Variants in UBR3 observed in about 807,000 individuals in gnomAD.
UBR3 encodes E3 ubiquitin-protein ligase UBR3.
In UBR3, 85 loss-of-function variants were observed where a neutral mutation model predicts 243.2. The observed-to-expected ratio is 0.35, with a 90% CI of 0.29 to 0.42. The LOEUF (loss-of-function observed/expected upper bound fraction) is 0.42. Among genes scored for constraint, UBR3 ranks in the 10% least tolerant of loss-of-function variants. The pLI is 1.00. For missense variants in UBR3, 1,686 were observed against 2,300.8 expected (o/e 0.73, Z 5.47); for synonymous variants, 748 against 799.8 (o/e 0.94, Z 1.09).
At chr2:169,902,106 ACTAT>A (rs1344458747) in intron 8 of UBR3, among the ~76,000 whole-genome samples, 1 of 152,158 alleles carries the variant, frequency 6.6e-6, no homozygotes, top group Non-Finnish European at 1.5e-5. Flanking sequence ...CCACTGTCTA[ACTAT>A]CTAAACAGCT....
intron 1 of UBR3, among the ~76,000 whole-genome samples, chr2:169,859,836 G>A (rs1392350849): frequency 6.6e-6 from 1 of 151,732 alleles, no homozygotes; most frequent in Non-Finnish European, 1.5e-5. Context: ...TCTGCCTCAG[G>A]CTCCTGAGTA....
At chr2:169,884,746 TTA>T (rs1294591534) in intron 5 of UBR3, among the ~76,000 whole-genome samples, 1 of 151,518 alleles carries the variant, frequency 6.6e-6, no homozygotes, top group Non-Finnish European at 1.5e-5. Flanking sequence ...TTTGCGCGAT[TTA>T]TTTGGAAAGA....
chr2:170,026,162 A>G (rs1252250594), intron 30 of UBR3, among the ~76,000 whole-genome samples: 2 of 152,160 alleles, frequency 1.3e-5, no homozygotes, highest in South Asian at 4.1e-4. Flanking sequence ...AGTAACTGAG[A>G]AGGAACCAGA....
At position 170,007,182 on chromosome 2, in the gene UBR3, G is replaced by A. The variant is rs1364894452; in HGVS notation, c.4222G>A (p.Ala1408Thr). The A allele has an allele frequency of 2.5e-6, 4 of 1,597,792 alleles. No individual in the cohort carries two copies. In the East Asian group the frequency reaches 6.8e-5, roughly 27 times the overall value. Residue 1408 changes from alanine to threonine, a missense_variant, in exon 28 of 39, where the codon GCT becomes ACT. This residue lies in a region of UBR3 where 371 missense variants were observed against 422.5 expected (regional missense o/e 0.88). Coordinates refer to ENST00000272793, the MANE Select transcript of UBR3 (RefSeq NM_172070.4). ...EVEELQGRPG[A>T]FPSETNLSKE... ...GGAGGAGCTGCAGGGACGACCGGGA[G>A]CTTTCCCAGTAAGCATCAGTGTAAG...
At chr2:170,055,698 A>C (rs2091317278) in intron 33 of UBR3, 114 bp downstream of exon 33, 1 of 1,333,298 alleles carries the variant, frequency 7.5e-7, no homozygotes, top group African/African-American at 1.5e-5. Flanking sequence ...TTTAATTGTA[A>C]ATTGAGCACC....
At position 170,081,901 on chromosome 2, in the gene UBR3, A is replaced by G; in HGVS notation, c.*58A>G. 8.1e-7 allele frequency: 1 copy of G among 1,236,126 alleles called. No individual in the cohort carries two copies. The highest frequency in any genetic ancestry group is 2.4e-5 in the Admixed American group (1 of 41,860). The allele number at this position is 1,236,126 out of a possible 1,614,324, so 76.6% of individuals were successfully genotyped here. On this transcript the variant is annotated 3_prime_UTR_variant, in exon 39 of 39. Transcript: ENST00000272793. ...TTTCGCTACGAATTTATTTTTCAAC[A>G]ATAAGCTTTAACTTAATTTGGGGGA...
intron 1 of UBR3, among the ~76,000 whole-genome samples, chr2:169,845,628 G>C (rs1270726885): frequency 6.8e-6 from 1 of 147,632 alleles, no homozygotes; most frequent in Admixed American, 6.8e-5. Context: ...CTGTCACCTA[G>C]GCTGGAATGC....
chr2:170,073,534 C>T lies in UBR3; in HGVS notation c.5126C>T (p.Pro1709Leu). The change falls in exon 36 of 39, where the codon CCA becomes CTA. Residue 1709 changes from proline to leucine, a missense_variant. Physicochemically the swap from Pro to Leu is moderately conservative, Grantham distance 98 (BLOSUM62 -3). Coordinates refer to ENST00000272793, the MANE Select transcript of UBR3 (RefSeq NM_172070.4). ...GCCTCCTGTCTGGATTGGCCAGTTC[C>T]AGCATTTGATATTATAACTCAGTGG... ...ISASCLDWPV[P>L]AFDIITQWCF... is the part of the protein sequence containing the mutation. The T allele has an allele frequency of 6.2e-7, 1 of 1,613,702 alleles. No homozygotes were observed. Among genetic ancestry groups the T allele is most frequent in the East Asian group, 2.2e-5 (1 of 44,854 alleles).
intron 1 of UBR3, among the ~76,000 whole-genome samples, chr2:169,842,965 A>G (rs2082349586): frequency 6.6e-6 from 1 of 152,342 alleles, no homozygotes; most frequent in South Asian, 2.1e-4. Flanking sequence ...GATCATCAGA[A>G]TGGCTTTTGC....
At position 170,059,747 on chromosome 2, in the gene UBR3, T is replaced by A. The variant is rs192556647; in HGVS notation, c.4786-1332T>A. Among the ~76,000 whole-genome samples, 543 of 149,708 alleles carry A rather than the reference T, an allele frequency of 3.6e-3. 1 individual carries two copies. The highest frequency in any genetic ancestry group is 6.4e-3 in the Non-Finnish European group (430 of 67,458). ...TTTAGAATCAGGACATAATACTACA[T>A]GGCTGAGTGAATATGGCGGAAAGCA... is the stretch of plus-strand genomic sequence containing the variant. On this transcript the variant is annotated intron_variant, in intron 33 of 38. Transcript: ENST00000272793.
intron 17 of UBR3, 129 bp downstream of exon 17, chr2:169,927,534 C>A: frequency 1.4e-6 from 1 of 705,484 alleles, no homozygotes; most frequent in Non-Finnish European, 2.2e-6. Context: ...AAAAGAAGAA[C>A]ACCAGTTGTG....
Position 170,063,313 on chromosome 2 carries a change from G to T in UBR3, c.5019+1870G>T, listed in dbSNP as rs188334438. On this transcript the variant is annotated intron_variant, in intron 35 of 38. Transcript: ENST00000272793. ...AGGAAATACAGGGCAGATGCACAGG[G>T]GATGGAATGAAAGTACTTTGTGTAT... Among the ~76,000 whole-genome samples the T allele has an allele frequency of 7.2e-5, 11 of 152,246 alleles. No individual in the cohort carries two copies. In the East Asian group the frequency reaches 1.9e-3, roughly 27 times the overall value.
intron 36 of UBR3, among the ~76,000 whole-genome samples, chr2:170,075,912 A>AG (rs2091797254): frequency 9.8e-6 from 1 of 101,854 alleles, no homozygotes; most frequent in African/African-American, 3.1e-5. Context: ...AAACTATGAC[A>AG]GAAAAAAAAA....
intron 24 of UBR3, among the ~76,000 whole-genome samples, chr2:169,962,115 G>A (rs376384230): frequency 6.6e-6 from 1 of 152,080 alleles, no homozygotes; most frequent in Non-Finnish European, 1.5e-5. Context: ...CATGTCATGA[G>A]TATCCCTGCG....
chr2:169,884,033 A>C (rs563191555), intron 5 of UBR3, among the ~76,000 whole-genome samples: 1 of 151,076 alleles, frequency 6.6e-6, no homozygotes, highest in South Asian at 2.1e-4. Flanking sequence ...GGGTTTTGCC[A>C]TGTTGGACAG....
At chr2:169,896,849 A>T in intron 8 of UBR3, 114 bp downstream of exon 8, 1 of 697,298 alleles carries the variant, frequency 1.4e-6, no homozygotes, top group Non-Finnish European at 2.1e-6. Flanking sequence ...AGTATTATTA[A>T]TCATATTCTA....
chr2:170,001,176 C>A, intron 26 of UBR3, 128 bp from the exon 27 acceptor site: 1 of 652,722 alleles, frequency 1.5e-6, no homozygotes, highest in Admixed American at 2.9e-5. Flanking sequence ...ATTGATATCA[C>A]AAGAATAGAA....
At chr2:169,920,390 A>C (rs1052556218) in intron 11 of UBR3, among the ~76,000 whole-genome samples, 1 of 152,160 alleles carries the variant, frequency 6.6e-6, no homozygotes, top group Admixed American at 6.5e-5. Context: ...TGGGTGCAGC[A>C]CACCAACATG....
intron 32 of UBR3, among the ~76,000 whole-genome samples, chr2:170,046,477 A>T (rs7423691): frequency 0.93 from 141,480 of 152,240 alleles, 66,209 homozygotes; most frequent in East Asian, 0.99. Flanking sequence ...ACAATATCAT[A>T]TAATAACATG....
Sources: allele counts gnomAD v4.1 joint callset (sites outside exome capture counted in the v4.1 genomes callset), GRCh38; gene constraint gnomAD v4.1.1; regional missense constraint gnomAD v4.1.1; transcripts MANE v1.5; gene names NCBI Gene and HGNC (gene_info 2026-07-23, HGNC 2026-07-21).